Variants in NXPE2 observed in about 807,000 individuals in gnomAD.
The protein encoded by NXPE2 is neurexophilin and PC-esterase domain family member 2, also known as NXPE family member 2.
NXPE2 carries 34 observed loss-of-function variants against 34.4 expected under a neutral mutation model. The observed-to-expected ratio is 0.99, with a 90% CI of 0.75 to 1.31. The LOEUF is 1.31. NXPE2 is among the 40% of genes most tolerant of loss of function. The pLI is 0.00. For missense variants in NXPE2, 649 were observed against 672.5 expected (o/e 0.97, Z 0.39); for synonymous variants, 235 against 231.3 (o/e 1.02, Z -0.15).
the NXPE2 span, among the ~76,000 whole-genome samples, chr11:114,762,956 G>A: frequency 2.6e-5 from 4 of 151,894 alleles, no homozygotes; most frequent in Admixed American, 6.6e-5. Context: ...TTAGGACAAC[G>A]TCATGGCTCT....
chr11:114,548,159 C>T, the NXPE2 span, among the ~76,000 whole-genome samples: 1,291 of 152,026 alleles, frequency 8.5e-3, 28 homozygotes, highest in African/African-American at 0.029. Flanking sequence ...ATTTATGCAC[C>T]GAGTACAGAG....
chr11:114,650,573 G>GA, the NXPE2 span, among the ~76,000 whole-genome samples: 2,068 of 151,178 alleles, frequency 0.014, 34 homozygotes, highest in African/African-American at 0.047. Context: ...CAGGAAGTGA[G>GA]AAAAAATCTA....
the NXPE2 span, among the ~76,000 whole-genome samples, chr11:114,627,153 C>G: frequency 3.9e-5 from 6 of 151,934 alleles, no homozygotes; most frequent in Non-Finnish European, 5.9e-5. Context: ...CGTTCAGATT[C>G]AGGAAATACA....
the NXPE2 span, among the ~76,000 whole-genome samples, chr11:114,642,143 G>A: frequency 1.3e-5 from 2 of 152,024 alleles, 1 homozygote; most frequent in Non-Finnish European, 2.9e-5. Context: ...ATCAACACTA[G>A]CAGTGAAAAT....
the NXPE2 span, among the ~76,000 whole-genome samples, chr11:114,761,955 G>T: frequency 6.6e-6 from 1 of 152,214 alleles, no homozygotes; most frequent in East Asian, 1.9e-4. Flanking sequence ...GAGCTTTGGG[G>T]AATGGTAATG....
the NXPE2 span, among the ~76,000 whole-genome samples, chr11:114,577,990 G>T: frequency 6.6e-6 from 1 of 152,158 alleles, no homozygotes; most frequent in African/African-American, 2.4e-5. Context: ...ATCCTCTCAT[G>T]TATATTTAAT....
At chr11:114,721,676 AT>A in the NXPE2 span, among the ~76,000 whole-genome samples, 1 of 152,178 alleles carries the variant, frequency 6.6e-6, no homozygotes, top group Non-Finnish European at 1.5e-5. Context: ...GTGTTTTAGT[AT>A]TGATAATATT....
At chr11:114,723,194 T>G in the NXPE2 span, among the ~76,000 whole-genome samples, 1 of 152,288 alleles carries the variant, frequency 6.6e-6, no homozygotes, top group East Asian at 1.9e-4. Flanking sequence ...TTTTTATTTG[T>G]AAAATTGTAT....
At chr11:114,625,860 C>T in the NXPE2 span, among the ~76,000 whole-genome samples, 18 of 152,188 alleles carry the variant, frequency 1.2e-4, no homozygotes, top group African/African-American at 1.7e-4. Context: ...TTGCCTCACT[C>T]GGGAAGCGCA....
intron 2 of NXPE2, among the ~76,000 whole-genome samples, chr11:114,687,383 T>A (rs1284669130): frequency 3.9e-5 from 6 of 152,078 alleles, no homozygotes; most frequent in African/African-American, 1.4e-4. Flanking sequence ...CTTTCCCCAG[T>A]GCTTATTTTT....
At chr11:114,798,123 C>G in the NXPE2 span, among the ~76,000 whole-genome samples, 1 of 152,166 alleles carries the variant, frequency 6.6e-6, no homozygotes, top group Non-Finnish European at 1.5e-5. Context: ...GAATACTGCT[C>G]TAACATACAT....
chr11:114,481,522 A>G, the NXPE2 span, among the ~76,000 whole-genome samples: 2 of 152,176 alleles, frequency 1.3e-5, no homozygotes, highest in African/African-American at 4.8e-5. Flanking sequence ...GTGAAATTTT[A>G]AAAATAAGAA....
the NXPE2 span, among the ~76,000 whole-genome samples, chr11:114,652,661 A>G: frequency 6.6e-6 from 1 of 152,196 alleles, no homozygotes; most frequent in Non-Finnish European, 1.5e-5. Flanking sequence ...TTGAAGTTAG[A>G]ATTAAGAAGA....
At chr11:114,637,243 T>G in the NXPE2 span, among the ~76,000 whole-genome samples, 1 of 151,956 alleles carries the variant, frequency 6.6e-6, no homozygotes, top group East Asian at 1.9e-4. Flanking sequence ...CTTTTGATCT[T>G]TGTTGGTTTA....
chr11:114,600,960 C>G, the NXPE2 span, among the ~76,000 whole-genome samples: 1 of 151,934 alleles, frequency 6.6e-6, no homozygotes, highest in Non-Finnish European at 1.5e-5. Flanking sequence ...TTCCACATAT[C>G]GTATACCAAA....
At chr11:114,553,766 G>C in the NXPE2 span, 2 of 985,242 alleles carry the variant, frequency 2.0e-6, no homozygotes, top group Non-Finnish European at 2.4e-6. Flanking sequence ...CTCACTGGTA[G>C]AGGTGAGCTG....
the NXPE2 span, among the ~76,000 whole-genome samples, chr11:114,721,531 G>C: frequency 6.6e-6 from 1 of 152,140 alleles, no homozygotes; most frequent in Non-Finnish European, 1.5e-5. Flanking sequence ...AAAGGAGTCA[G>C]AGAAGGTGAG....
chr11:114,603,359 C>T, the NXPE2 span, among the ~76,000 whole-genome samples: 2 of 150,816 alleles, frequency 1.3e-5, no homozygotes, highest in African/African-American at 4.9e-5. Context: ...ACTCCTATTA[C>T]CTGACGGATG....
At chr11:114,735,709 G>A in the NXPE2 span, among the ~76,000 whole-genome samples, 1 of 152,018 alleles carries the variant, frequency 6.6e-6, no homozygotes, top group Admixed American at 6.6e-5. Context: ...AAATATTTGG[G>A]GTGGTCATAT....
Sources: gnomAD v4.1 joint callset for allele counts (sites outside exome capture counted in the v4.1 genomes callset) on GRCh38, gnomAD v4.1.1 for gene constraint, MANE v1.5 for transcripts, NCBI Gene and HGNC (gene_info 2026-07-23, HGNC 2026-07-21) for gene names.